Variants in ELAVL1 observed in about 807,000 individuals in gnomAD.
The protein encoded by ELAVL1 is ELAV-like protein 1.
A neutral mutation model predicts 28.4 loss-of-function variants in ELAVL1; 1 was observed. That is an observed-to-expected ratio of 0.04 (90% CI 0.01 to 0.17). The LOEUF is 0.17. Among genes scored for constraint, ELAVL1 ranks in the 10% least tolerant of loss-of-function variants. ELAVL1 has a pLI of 1.00. For missense variants in ELAVL1, 157 were observed against 447.2 expected, an observed-to-expected ratio of 0.35 and a Z score of 5.85; for synonymous variants, 174 against 183.5, an observed-to-expected ratio of 0.95 and a Z score of 0.42.
intron 2 of ELAVL1, among the ~76,000 whole-genome samples, chr19:7,988,755 G>A (rs1242127011): frequency 4.6e-5 from 7 of 152,252 alleles, no homozygotes; most frequent in East Asian, 1.9e-4. Flanking sequence ...TGTCCAGTGC[G>A]GCGTCCAGCC....
At chr19:7,974,010 G>C in intron 3 of ELAVL1, 132 bp from the exon 4 acceptor site, 1 of 1,194,544 alleles carries the variant, frequency 8.4e-7, no homozygotes, top group Admixed American at 2.5e-5. Flanking sequence ...TATCATCACT[G>C]ACGCTCACCG....
chr19:8,002,066 C>T (rs149857084), intron 1 of ELAVL1: 1 of 1,289,350 alleles, frequency 7.8e-7, no homozygotes, highest in Non-Finnish European at 1.0e-6. Context: ...AGGGTAACAG[C>T]CAAGCCCTCT....
At chr19:7,980,778 G>A (rs1284687503) in intron 3 of ELAVL1, among the ~76,000 whole-genome samples, 1 of 152,214 alleles carries the variant, frequency 6.6e-6, no homozygotes, top group Non-Finnish European at 1.5e-5. Flanking sequence ...AGCGCAGAGG[G>A]AGCACTGGGC....
At chr19:7,986,982 T>C (rs1379362812) in intron 2 of ELAVL1, among the ~76,000 whole-genome samples, 2 of 152,106 alleles carry the variant, frequency 1.3e-5, no homozygotes, top group Non-Finnish European at 2.9e-5. Flanking sequence ...AGTTTTTTTT[T>C]CTGTGAGGAG....
chr19:7,992,168 T>C (rs540118569), intron 1 of ELAVL1, among the ~76,000 whole-genome samples: 29 of 152,296 alleles, frequency 1.9e-4, no homozygotes, highest in African/African-American at 6.3e-4. Context: ...CTCAAACTCC[T>C]GAACTCAGGT....
chr19:7,987,698 A>T (rs934836056), intron 2 of ELAVL1, among the ~76,000 whole-genome samples: 1 of 152,192 alleles, frequency 6.6e-6, no homozygotes, highest in Non-Finnish European at 1.5e-5. Context: ...TCATTCATTC[A>T]TTCCTTCCTT....
At chr19:7,986,854 C>T (rs1280640181) in intron 2 of ELAVL1, among the ~76,000 whole-genome samples, 1 of 152,156 alleles carries the variant, frequency 6.6e-6, no homozygotes, top group Non-Finnish European at 1.5e-5. Context: ...AAGTACGTGG[C>T]TGCTTATGGC....
rs1984730260 is a variant in ELAVL1, at chr19:7,958,924, T to C, written c.*4559A>G. On this transcript the variant is annotated 3_prime_UTR_variant, in exon 6 of 6. Coordinates refer to ENST00000407627, the MANE Select transcript of ELAVL1 (RefSeq NM_001419.3). ...TTGAGAAAGCCATTGACAAAAAATATTCACACTTCACTAAAATTTTGAAAA... is the reference window on the plus strand; with the variant it reads ...TTGAGAAAGCCATTGACAAAAAATACTCACACTTCACTAAAATTTTGAAAA... 1 of 153,680 alleles carries C rather than the reference T, an allele frequency of 6.5e-6. No individual in the cohort carries two copies. The highest frequency in any genetic ancestry group is 6.5e-5 in the Admixed American group (1 of 15,274). 9.5% of individuals were successfully genotyped at this position (153,680 alleles called of 1,614,324 possible). A position where few individuals can be genotyped will look rare whatever the true frequency, so the allele number is the denominator to read the frequency against.
In ELAVL1 at chr19:7,963,606, C is replaced by T. The variant is rs749238784; in HGVS notation, c.858G>A (p.Gly286=). 55 of 1,614,152 alleles carry T rather than the reference C, an allele frequency of 3.4e-5. No homozygotes were observed. The highest frequency in any genetic ancestry group is 4.4e-5 in the Non-Finnish European group (52 of 1,180,044). Residue 286 remains glycine, a synonymous_variant, in exon 6 of 6, where the codon GGG becomes GGA. Transcript: ENST00000407627. The surrounding 1 kb of genome is among the most constrained non-coding windows in gnomAD (Gnocchi z 4.5). ...IRDFNTNKCK[G]FGFVTMTNYE... ...AGTTTGTCATGGTCACAAAGCCAAA[C>T]CCTTTGCACTTGTTGGTGTTGAAGT...
chr19:7,971,967 G>C (rs1222924897), intron 4 of ELAVL1, among the ~76,000 whole-genome samples: 1 of 152,258 alleles, frequency 6.6e-6, no homozygotes, highest in Non-Finnish European at 1.5e-5. Context: ...TGAAAGGCGA[G>C]GCTCTGGGCT....
intron 2 of ELAVL1, among the ~76,000 whole-genome samples, chr19:7,983,882 G>A (rs1246235477): frequency 6.6e-6 from 1 of 152,116 alleles, no homozygotes; most frequent in African/African-American, 2.4e-5. Context: ...GTTTCAGGAT[G>A]TGTCCCCTGA....
chr19:7,970,512 C>G (rs961358024), intron 4 of ELAVL1, among the ~76,000 whole-genome samples: 2 of 151,772 alleles, frequency 1.3e-5, no homozygotes, highest in Non-Finnish European at 2.9e-5. Flanking sequence ...AACTGCTGAC[C>G]TCAGGTGATC....
chr19:7,985,209 C>T (rs769422134), intron 2 of ELAVL1, among the ~76,000 whole-genome samples: 6 of 152,348 alleles, frequency 3.9e-5, no homozygotes, highest in East Asian at 1.9e-4. Flanking sequence ...CGTGCGCCAC[C>T]GCGCCCAGCC....
At chr19:7,977,835 G>C (rs1264620616) in intron 3 of ELAVL1, among the ~76,000 whole-genome samples, 1 of 152,250 alleles carries the variant, frequency 6.6e-6, no homozygotes, top group East Asian at 1.9e-4. Context: ...GGGAGGAGCG[G>C]GGCAGAGGCT....
At chr19:7,977,795 G>A (rs982404870) in intron 3 of ELAVL1, among the ~76,000 whole-genome samples, 41 of 152,386 alleles carry the variant, frequency 2.7e-4, no homozygotes, top group Non-Finnish European at 5.1e-4. Context: ...CCCAGGATGA[G>A]CACAAGGCTC....
At chr19:8,002,637 G>A (rs1006445466) in intron 1 of ELAVL1, among the ~76,000 whole-genome samples, 1 of 152,232 alleles carries the variant, frequency 6.6e-6, no homozygotes, top group Non-Finnish European at 1.5e-5. Flanking sequence ...AATGGGATGG[G>A]AACACTAAGG....
At chr19:8,000,365 T>G (rs948956306) in intron 1 of ELAVL1, among the ~76,000 whole-genome samples, 2 of 152,182 alleles carry the variant, frequency 1.3e-5, no homozygotes, top group Non-Finnish European at 1.5e-5. Context: ...GGGAGAGAGA[T>G]GTGTGTGTCT....
chr19:7,975,299 G>C (rs767085364), intron 3 of ELAVL1, among the ~76,000 whole-genome samples: 2 of 152,232 alleles, frequency 1.3e-5, no homozygotes, highest in Non-Finnish European at 1.5e-5. Flanking sequence ...CCAGTGGAGC[G>C]GAGCTGAGGC....
intron 4 of ELAVL1, among the ~76,000 whole-genome samples, chr19:7,971,382 G>A (rs554841701): frequency 7.2e-5 from 11 of 152,228 alleles, no homozygotes; most frequent in African/African-American, 2.7e-4. Context: ...GTGCATGTGG[G>A]GTCTAGAGGA....
Sources: allele counts gnomAD v4.1 joint callset (sites outside exome capture counted in the v4.1 genomes callset), GRCh38; gene constraint gnomAD v4.1.1; non-coding constraint Gnocchi (gnomAD v3.1); transcripts MANE v1.5; gene names NCBI Gene and HGNC (gene_info 2026-07-23, HGNC 2026-07-21).